The following HHLA2 variants were observed in gnomAD, a reference collection of about 807,000 sequenced individuals.
HHLA2 encodes the protein HHLA2 member of B7 family.
HHLA2 carries 48 observed loss-of-function variants against 45.9 expected under a neutral mutation model. The ratio of observed to expected loss-of-function variants is 1.05; its 90% CI spans 0.83 to 1.33. The LOEUF is 1.33. Among genes scored for constraint, HHLA2 ranks in the 40% most tolerant of loss-of-function variants. HHLA2 has a pLI of 0.00. For synonymous variants in HHLA2, 161 were observed against 173.9 expected (o/e 0.93, Z 0.59); for missense variants, 462 against 494.3 (o/e 0.93, Z 0.62).
At chr3:108,376,751 T>A in intron 10 of HHLA2, 194 bp downstream of exon 9, 1 of 495,738 alleles carries the variant, frequency 2.0e-6, no homozygotes, top group East Asian at 3.4e-5. Flanking sequence ...TTAAACAGGC[T>A]CTACTTGCTT....
At chr3:108,356,009 G>T (rs1193763435) in intron 6 of HHLA2, among the ~76,000 whole-genome samples, 2 of 146,854 alleles carry the variant, frequency 1.4e-5, no homozygotes, top group East Asian at 3.9e-4. Flanking sequence ...CCATATCCAA[G>T]TCCAAGAAAA....
At chr3:108,297,036 C>T (rs973548956) in intron 1 of HHLA2, among the ~76,000 whole-genome samples, 4 of 152,090 alleles carry the variant, frequency 2.6e-5, no homozygotes, top group African/African-American at 7.2e-5. Flanking sequence ...ACAAAAGGAC[C>T]GTAGTAGTGG....
intron 3 of HHLA2, among the ~76,000 whole-genome samples, chr3:108,335,426 G>T (rs2081454967): frequency 6.6e-6 from 1 of 152,118 alleles, no homozygotes; most frequent in Non-Finnish European, 1.5e-5. Flanking sequence ...AGATTTTGCA[G>T]CTTTAGAGTC....
intron 8 of HHLA2, among the ~76,000 whole-genome samples, chr3:108,370,328 C>T (rs1394422697): frequency 6.6e-6 from 1 of 152,106 alleles, no homozygotes; most frequent in Non-Finnish European, 1.5e-5. Context: ...CCCATCTGTA[C>T]GTCACCATCA....
intron 3 of HHLA2, among the ~76,000 whole-genome samples, chr3:108,348,383 C>A (rs568422242): frequency 8.5e-5 from 13 of 152,108 alleles, no homozygotes; most frequent in African/African-American, 2.9e-4. Flanking sequence ...CTGACAAGGG[C>A]AGTTTATGAC....
chr3:108,344,639 G>T (rs1177039885), intron 3 of HHLA2, among the ~76,000 whole-genome samples: 1 of 152,166 alleles, frequency 6.6e-6, no homozygotes, highest in East Asian at 1.9e-4. Context: ...CAGAGAAAAA[G>T]GTGACTAAGA....
chr3:108,299,485 G>T (rs1431190812), intron 1 of HHLA2, among the ~76,000 whole-genome samples: 1 of 151,898 alleles, frequency 6.6e-6, no homozygotes, highest in Non-Finnish European at 1.5e-5. Context: ...GAAAGGTGAG[G>T]AGTAGTCAGA....
At chr3:108,296,756 G>A (rs919662138) in intron 1 of HHLA2, among the ~76,000 whole-genome samples, 157 bp downstream of exon 1, 1 of 152,186 alleles carries the variant, frequency 6.6e-6, no homozygotes, top group Non-Finnish European at 1.5e-5. Context: ...TATGTATTGT[G>A]CATATGCACC....
At chr3:108,357,238 G>A (rs2081910178) in intron 6 of HHLA2, among the ~76,000 whole-genome samples, 1 of 152,166 alleles carries the variant, frequency 6.6e-6, no homozygotes, top group South Asian at 2.1e-4. Flanking sequence ...ATAGAGGTCA[G>A]CCTACAACAC....
At chr3:108,372,954 A>G (rs1358655180) in intron 8 of HHLA2, among the ~76,000 whole-genome samples, 1 of 149,496 alleles carries the variant, frequency 6.7e-6, no homozygotes, top group African/African-American at 2.4e-5. Context: ...ACACAAAAAG[A>G]GGGAATCCTC....
chr3:108,325,724 T>C, intron 2 of HHLA2: 1 of 244,128 alleles, frequency 4.1e-6, no homozygotes, highest in Non-Finnish European at 8.2e-6. Flanking sequence ...AAATCCATTA[T>C]AGCCGTGCCC....
At chr3:108,316,217 C>G (rs1407209167) in intron 2 of HHLA2, among the ~76,000 whole-genome samples, 1 of 151,704 alleles carries the variant, frequency 6.6e-6, no homozygotes, top group Admixed American at 6.6e-5. Flanking sequence ...AAGTGAGAAA[C>G]AAATTATAAA....
intron 3 of HHLA2, among the ~76,000 whole-genome samples, chr3:108,337,940 T>C (rs937182847): frequency 2.6e-5 from 4 of 152,158 alleles, no homozygotes; most frequent in African/African-American, 9.7e-5. Context: ...TAAAGGCATT[T>C]GAAAAATATC....
intron 8 of HHLA2, among the ~76,000 whole-genome samples, chr3:108,372,850 A>G (rs1171680469): frequency 6.6e-6 from 1 of 152,226 alleles, no homozygotes; most frequent in African/African-American, 2.4e-5. Flanking sequence ...CTTACCAACC[A>G]AAAATAGTCC....
intron 2 of HHLA2, among the ~76,000 whole-genome samples, chr3:108,311,190 A>G (rs1560189456): frequency 6.6e-6 from 1 of 152,164 alleles, no homozygotes; most frequent in Non-Finnish European, 1.5e-5. Flanking sequence ...TTTTCTAATA[A>G]GCCTGTAATC....
At chr3:108,353,625 A>G (rs745834506) in exon 5 of HHLA2, 3 of 1,613,800 alleles carry the variant, frequency 1.9e-6, no homozygotes, top group Non-Finnish European at 2.5e-6. Context: ...GATCCCAGAT[A>G]TGCAAACAGG....
intron 1 of HHLA2, among the ~76,000 whole-genome samples, chr3:108,299,968 G>C (rs910726393): frequency 6.6e-6 from 1 of 152,186 alleles, no homozygotes; most frequent in Non-Finnish European, 1.5e-5. Flanking sequence ...GTGGCGAGAA[G>C]ACGGGAAAAT....
At chr3:108,338,693 C>T (rs1203724835) in intron 3 of HHLA2, among the ~76,000 whole-genome samples, 2 of 152,190 alleles carry the variant, frequency 1.3e-5, no homozygotes, top group African/African-American at 2.4e-5. Flanking sequence ...TCTTGGATCA[C>T]ATGTCCCCCT....
At chr3:108,365,424 GCAGCATGATGCCTC>G (rs1392762697) in intron 8 of HHLA2, among the ~76,000 whole-genome samples, 2 of 152,294 alleles carry the variant, frequency 1.3e-5, no homozygotes, top group South Asian at 4.1e-4. Context: ...CTGAAGTCAG[GCAGCATGATGCCTC>G]CAGCTATGTT....
Sources: gnomAD v4.1 joint callset for allele counts (sites outside exome capture counted in the v4.1 genomes callset) on GRCh38, gnomAD v4.1.1 for gene constraint, MANE v1.5 for transcripts, NCBI Gene and HGNC (gene_info 2026-07-23, HGNC 2026-07-21) for gene names.